TJP2: variants seen among roughly 807,000 people sequenced by gnomAD.
TJP2 encodes tight junction protein 2, also known as Friedreich ataxia region gene X104 (tight junction protein ZO-2).
A neutral mutation model predicts 133.1 loss-of-function variants in TJP2; 91 were observed. The ratio of observed to expected loss-of-function variants is 0.68; its 90% CI spans 0.58 to 0.81. The LOEUF (loss-of-function observed/expected upper bound fraction) is 0.81. Ranked by LOEUF, TJP2 falls within the 40% of genes least tolerant of loss-of-function variation. TJP2 has a pLI of 0.00. For missense variants in TJP2, 1,541 were observed against 1,565.6 expected (o/e 0.98, Z 0.26); for synonymous variants, 592 against 583.4 (o/e 1.01, Z -0.21).
At chr9:69,192,800 A>G (rs1179834767) in intron 1 of TJP2, among the ~76,000 whole-genome samples, 1 of 152,004 alleles carries the variant, frequency 6.6e-6, no homozygotes, top group Non-Finnish European at 1.5e-5. Context: ...CCTCACAGTG[A>G]CAAGGGGATC....
chr9:69,128,613 T>G (rs10869917), intron 1 of TJP2, among the ~76,000 whole-genome samples: 5 of 151,130 alleles, frequency 3.3e-5, no homozygotes, highest in Non-Finnish European at 4.4e-5. Context: ...AGCTCTGCCT[T>G]CCGGGTTCAC....
At chr9:69,237,546 G>A (rs1489318127) in intron 14 of TJP2, among the ~76,000 whole-genome samples, 2 of 152,096 alleles carry the variant, frequency 1.3e-5, no homozygotes, top group African/African-American at 4.8e-5. Flanking sequence ...GGGAAAGTTT[G>A]TGTTTAAAAA....
intron 5 of TJP2, among the ~76,000 whole-genome samples, chr9:69,222,385 CA>C (rs1427135919): frequency 6.8e-6 from 1 of 146,976 alleles, no homozygotes; most frequent in Non-Finnish European, 1.5e-5. Context: ...AGGCTGGTCT[CA>C]AACTCCTGAC....
chr9:69,174,198 G>A, upstream of TJP2: 2 of 1,396,116 alleles, frequency 1.4e-6, no homozygotes, highest in Non-Finnish European at 1.9e-6. Context: ...GGGGCGGGCT[G>A]ACGCCGCCGC....
rs757371061 is a variant in TJP2 at position 69,148,247 on chromosome 9, A to AT, written c.-130-3389dup. Among the ~76,000 whole-genome samples the AT allele has an allele frequency of 5.5e-3, 462 of 83,276 alleles. 5 individuals are homozygous for AT. The highest frequency in any genetic ancestry group is 0.015 in the African/African-American group (318 of 21,396). 54.6% of individuals were successfully genotyped at this position (83,276 alleles called of 152,430 possible). On this transcript the variant is annotated intron_variant, in intron 1 of 5. Transcript: ENST00000423935. Reference sequence around the variant, plus strand: ...CCCTTTCTTTTTTATATTTTTTTTAATTTTTTTTTTTTTTTGAGACACAGT... The same window carrying AT: ...CCCTTTCTTTTTTATATTTTTTTTAATTTTTTTTTTTTTTTTGAGACACAGT...
At chr9:69,198,159 T>TTTTGG (rs10674501) in intron 1 of TJP2, among the ~76,000 whole-genome samples, 1 of 133,134 alleles carries the variant, frequency 7.5e-6, no homozygotes, top group African/African-American at 2.7e-5. Context: ...TTTTTTTTTT[T>TTTTGG]GAGACTGAGT....
rs1234873691 is a variant in TJP2, at chr9:69,123,993, G to A, written c.-131+2268G>A. Among the ~76,000 whole-genome samples the A allele has an allele frequency of 4.1e-5, 3 of 73,224 alleles. 1 individual carries two copies. The highest frequency in any genetic ancestry group is 6.2e-5 in the Non-Finnish European group (2 of 32,080). The allele number at this position is 73,224 out of a possible 152,430, so 48.0% of individuals were successfully genotyped here. ...CGCCATTCTCCTGCCTCAGCCTCCCGAGTAGCTGGGACTATAGGCACCCGC... is the reference window on the plus strand; with the variant it reads ...CGCCATTCTCCTGCCTCAGCCTCCCAAGTAGCTGGGACTATAGGCACCCGC... On this transcript the variant is annotated intron_variant, in intron 1 of 5. Coordinates refer to the TJP2 transcript ENST00000423935.
At position 69,226,132 on chromosome 9, in the gene TJP2, C is replaced by T; in HGVS notation, c.1167C>T (p.Leu389=). The part of the protein sequence containing the change: ...LVVLRDSQQT[L]INIPSLNDSD... ...TGTTGAGAGACAGCCAGCAGACCCT[C>T]ATCAACATCCCGTCATTAAATGACA... Residue 389 remains leucine, a synonymous_variant, in exon 7 of 23, where the codon CTC becomes CTT. Transcript: ENST00000377245. 6.2e-7 allele frequency: 1 copy of T among 1,614,144 alleles called. No individual in the cohort carries two copies. The highest frequency in any genetic ancestry group is 8.5e-7 in the Non-Finnish European group (1 of 1,180,026).
chr9:69,191,539 A>G (rs1373180949), intron 1 of TJP2, among the ~76,000 whole-genome samples: 1 of 152,198 alleles, frequency 6.6e-6, no homozygotes, highest in South Asian at 2.1e-4. Context: ...TAGAAGGTTC[A>G]GAAAGGCTTT....
chr9:69,183,092 T>C (rs897988022), intron 1 of TJP2, among the ~76,000 whole-genome samples: 1 of 152,152 alleles, frequency 6.6e-6, no homozygotes, highest in African/African-American at 2.4e-5. Context: ...CCATTGTGCC[T>C]GGCCAGGGAA....
chr9:69,216,642 C>T (rs1828406307), intron 3 of TJP2, among the ~76,000 whole-genome samples, 179 bp downstream of exon 3: 1 of 152,122 alleles, frequency 6.6e-6, no homozygotes, highest in African/African-American at 2.4e-5. Flanking sequence ...TGAATAATGC[C>T]CAAACCTTGG....
chr9:69,221,442 A>T lies in TJP2; in HGVS notation c.898A>T (p.Arg300Trp), dbSNP rs754361659. 1 of 1,594,864 alleles carries T rather than the reference A, an allele frequency of 6.3e-7. No homozygotes were observed. Among genetic ancestry groups the T allele is most frequent in the South Asian group, 1.1e-5 (1 of 88,392 alleles). Residue 300 changes from arginine (R) to tryptophan (W), a missense_variant, in exon 5 of 23, where the codon AGG becomes TGG. By Grantham distance (101) the Arg-to-Trp change is moderately radical. Coordinates refer to ENST00000377245, the MANE Select transcript of TJP2 (RefSeq NM_004817.4). ...PHSRSPSPEP[R>W]GRPGPIGVLL... ...CTCACGGAGCCCCAGCCCCGAGCCT[A>T]GGGGGCGGCCGGGGCCCATCGGGGT... is the stretch of plus-strand genomic sequence containing the variant.
intron 12 of TJP2, among the ~76,000 whole-genome samples, chr9:69,235,161 A>AT (rs796931754): frequency 9.8e-5 from 15 of 152,300 alleles, no homozygotes; most frequent in African/African-American, 3.6e-4. Context: ...AGAGCCAGTG[A>AT]TTTAGTTCTA....
intron 1 of TJP2, among the ~76,000 whole-genome samples, chr9:69,189,696 T>G (rs1826086649): frequency 1.9e-5 from 1 of 51,594 alleles, no homozygotes; most frequent in South Asian, 7.4e-4. Flanking sequence ...AAAGGAAAGT[T>G]GATTTTTGGT....
intron 1 of TJP2, among the ~76,000 whole-genome samples, chr9:69,140,699 TGCAACACCTCATC>T (rs1243862945): frequency 6.6e-6 from 1 of 152,210 alleles, no homozygotes; most frequent in African/African-American, 2.4e-5. Context: ...CTGAATTCTG[TGCAACACCTCATC>T]GCTCATGTGC....
intron 17 of TJP2, among the ~76,000 whole-genome samples, chr9:69,244,140 C>T (rs1428266094): frequency 7.1e-6 from 1 of 140,678 alleles, no homozygotes; most frequent in African/African-American, 2.7e-5. Context: ...GCCGAGATTG[C>T]ACTACAGCAC....
chr9:69,234,394 C>CT, intron 11 of TJP2, 45 bp from the exon 12 acceptor site: 1 of 1,293,348 alleles, frequency 7.7e-7, no homozygotes, highest in African/African-American at 1.6e-5. Flanking sequence ...TTCTTTCTTT[C>CT]TTTCTTTTTT....
rs1230380405 is a variant in TJP2, at chr9:69,231,972, A to G, written c.1671+1740A>G. ...AGGTTCAATGATAAAATATTTTCGT[A>G]TGTTCAGGGGCTGGGAGATTTTCTA... is the stretch of plus-strand genomic sequence containing the variant. On this transcript the variant is annotated intron_variant, in intron 11 of 22. Transcript: ENST00000377245. 2.6e-5 allele frequency among the ~76,000 whole-genome samples: 4 copies of G among 152,180 alleles called. No homozygotes were observed. The East Asian group carries it at 7.7e-4, about 29-fold the overall frequency.
Position 69,239,993 on chromosome 9 carries a change from C to T in TJP2, c.2412C>T (p.Thr804=). The T allele has an allele frequency of 1.9e-6, 3 of 1,614,070 alleles. No homozygotes were observed. In the South Asian group the frequency reaches 3.3e-5, roughly 18 times the overall value. ...TPKAVDLLNY[T]QWFPIVIFFN... ...AAGCTGTGGACCTGTTGAATTACAC[C>T]CAGTGGTTCCCAATTGTGATTTTTT... Residue 804 remains threonine (T), a synonymous_variant, in exon 17 of 23, where the codon ACC becomes ACT. Coordinates refer to ENST00000377245, the MANE Select transcript of TJP2 (RefSeq NM_004817.4).
Sources: allele counts gnomAD v4.1 joint callset (sites outside exome capture counted in the v4.1 genomes callset), GRCh38; gene constraint gnomAD v4.1.1; transcripts MANE v1.5; gene names NCBI Gene and HGNC (gene_info 2026-07-23, HGNC 2026-07-21).